COBL: variants seen among roughly 807,000 people sequenced by gnomAD.
The protein encoded by COBL is cordon-bleu WH2 repeat protein, also known as protein cordon-bleu.
COBL carries 51 observed loss-of-function variants against 98.8 expected under a neutral mutation model. The ratio of observed to expected loss-of-function variants is 0.52; its 90% CI spans 0.41 to 0.65. The LOEUF is 0.65. COBL is among the 30% of genes least tolerant of loss of function. COBL has a pLI of 0.00. For synonymous variants in COBL, 634 were observed against 651.7 expected (o/e 0.97, Z 0.41); for missense variants, 1,617 against 1,617.5 (o/e 1.00, Z 0.01).
Position 51,064,663 on chromosome 7 carries a change from G to A in COBL, c.1096+20503C>T, listed in dbSNP as rs933095877. On this transcript the variant is annotated intron_variant, in intron 7 of 12. Transcript: ENST00000265136. ...GAGTAGAGTATCAGATTTGCAGGAC[G>A]ATGAGGTCCTGGAGATCGGTTTCAC... The A allele has an allele frequency of 3.3e-5, 5 of 153,052 alleles. 1 individual carries two copies. The Middle Eastern group carries it at 0.01, about 312-fold the overall frequency. 9.5% of individuals were successfully genotyped at this position (153,052 alleles called of 1,614,324 possible).
chr7:51,134,172 G>C (rs368189881), intron 6 of COBL, among the ~76,000 whole-genome samples: 2 of 152,232 alleles, frequency 1.3e-5, no homozygotes, highest in East Asian at 3.9e-4. Context: ...TACATTTTTG[G>C]GTTCCTTTTC....
intron 6 of COBL, among the ~76,000 whole-genome samples, chr7:51,121,659 A>T (rs1797751459): frequency 6.6e-6 from 1 of 152,198 alleles, no homozygotes; most frequent in Non-Finnish European, 1.5e-5. Flanking sequence ...GAGGCTCTGC[A>T]CCCAGCTTCA....
At chr7:51,043,310 T>G in intron 8 of COBL, 73 bp downstream of exon 8, 1 of 1,465,244 alleles carries the variant, frequency 6.8e-7, no homozygotes, top group Non-Finnish European at 9.3e-7. Flanking sequence ...TTGGATCCCA[T>G]GACAAAAGAC....
chr7:51,160,271 C>T (rs1455125372), intron 5 of COBL, among the ~76,000 whole-genome samples: 2 of 151,972 alleles, frequency 1.3e-5, no homozygotes, highest in Admixed American at 1.3e-4. Context: ...ATTTACTTTC[C>T]AATAGTTGAT....
chr7:51,051,998 C>T (rs1214253703), intron 7 of COBL, among the ~76,000 whole-genome samples: 2 of 152,160 alleles, frequency 1.3e-5, no homozygotes, highest in Non-Finnish European at 2.9e-5. Flanking sequence ...TAAAGTATTA[C>T]ACTATTGGCT....
chr7:51,078,518 A>C (rs1793307686), intron 7 of COBL, among the ~76,000 whole-genome samples: 1 of 152,200 alleles, frequency 6.6e-6, no homozygotes, highest in African/African-American at 2.4e-5. Context: ...GACATTCCCT[A>C]ACTGTTGAAG....
chr7:51,171,882 T>C (rs1350601232), intron 5 of COBL, among the ~76,000 whole-genome samples: 2 of 152,350 alleles, frequency 1.3e-5, no homozygotes, highest in East Asian at 1.9e-4. Context: ...TTCTTACTGA[T>C]ACAGAAGAGT....
At chr7:51,075,032 A>T (rs932338520) in intron 7 of COBL, among the ~76,000 whole-genome samples, 1 of 152,210 alleles carries the variant, frequency 6.6e-6, no homozygotes, top group Admixed American at 6.5e-5. Flanking sequence ...CTTCAACATG[A>T]TGGCATCAGA....
At chr7:51,279,636 T>C (rs968107726) in intron 1 of COBL, among the ~76,000 whole-genome samples, 6 of 152,218 alleles carry the variant, frequency 3.9e-5, no homozygotes, top group African/African-American at 7.2e-5. Flanking sequence ...CACATTATTA[T>C]CACCCAGCGT....
intron 5 of COBL, among the ~76,000 whole-genome samples, chr7:51,144,894 G>A (rs918862510): frequency 6.6e-6 from 1 of 152,198 alleles, no homozygotes; most frequent in Non-Finnish European, 1.5e-5. Flanking sequence ...TGTTAAGGCC[G>A]AATGTTTGAT....
intron 1 of COBL, among the ~76,000 whole-genome samples, chr7:51,273,809 C>T (rs1269816706): frequency 1.3e-5 from 2 of 152,222 alleles, no homozygotes; most frequent in African/African-American, 2.4e-5. Flanking sequence ...TCCCAAAATA[C>T]TTAAACACTT....
At chr7:51,139,767 A>G (rs1799561975) in intron 5 of COBL, among the ~76,000 whole-genome samples, 1 of 152,224 alleles carries the variant, frequency 6.6e-6, no homozygotes, top group Non-Finnish European at 1.5e-5. Context: ...TGGGAGGAAA[A>G]CATTGTGAAG....
At chr7:51,305,639 G>A (rs1001238006) in intron 1 of COBL, among the ~76,000 whole-genome samples, 15 of 152,154 alleles carry the variant, frequency 9.9e-5, no homozygotes, top group African/African-American at 3.6e-4. Context: ...ATAGATTGAG[G>A]GACATTCTGC....
intron 6 of COBL, among the ~76,000 whole-genome samples, chr7:51,103,786 T>C (rs547088071): frequency 6.6e-6 from 1 of 152,344 alleles, no homozygotes; most frequent in African/African-American, 2.4e-5. Flanking sequence ...TGGCATCTCA[T>C]CCATGGAGAA....
intron 7 of COBL, chr7:51,065,192 A>C (rs1169698720): frequency 2.8e-6 from 2 of 703,332 alleles, no homozygotes; most frequent in Non-Finnish European, 5.2e-6. Flanking sequence ...GGTAAGACAC[A>C]AGATGGGTTG....
At chr7:51,286,557 G>A (rs1483382042) in intron 1 of COBL, among the ~76,000 whole-genome samples, 1 of 152,110 alleles carries the variant, frequency 6.6e-6, no homozygotes, top group African/African-American at 2.4e-5. Flanking sequence ...AAACCACAAT[G>A]AGATGCCATC....
chr7:51,256,455 G>A (rs978064716), intron 1 of COBL, among the ~76,000 whole-genome samples: 1 of 152,214 alleles, frequency 6.6e-6, no homozygotes, highest in African/African-American at 2.4e-5. Context: ...ATAACTCACA[G>A]GCTGTGTCCA....
intron 1 of COBL, among the ~76,000 whole-genome samples, chr7:51,278,010 A>G (rs968913870): frequency 6.6e-6 from 1 of 152,192 alleles, no homozygotes; most frequent in Non-Finnish European, 1.5e-5. Flanking sequence ...GAAGTACAGC[A>G]GAGAGACACA....
At chr7:51,259,550 G>A (rs1343477430) in intron 1 of COBL, 7 of 704,742 alleles carry the variant, frequency 9.9e-6, no homozygotes, top group East Asian at 2.7e-5. Flanking sequence ...AGTGGAAAGG[G>A]CGCAAAAACC....
Sources: gnomAD v4.1 joint callset for allele counts (sites outside exome capture counted in the v4.1 genomes callset) on GRCh38, gnomAD v4.1.1 for gene constraint, MANE v1.5 for transcripts, NCBI Gene and HGNC (gene_info 2026-07-23, HGNC 2026-07-21) for gene names.